NPLOC4: variants seen among roughly 807,000 people sequenced by gnomAD.
NPLOC4 encodes the protein nuclear protein localization protein 4 homolog.
NPLOC4 carries 18 observed loss-of-function variants against 80.6 expected under a neutral mutation model. The ratio of observed to expected loss-of-function variants is 0.22; its 90% CI spans 0.15 to 0.33. The LOEUF is 0.33. Ranked by LOEUF, NPLOC4 falls within the 10% of genes least tolerant of loss-of-function variation. NPLOC4 has a pLI of 1.00. For missense variants in NPLOC4, 540 were observed against 786.1 expected (o/e 0.69, Z 3.74); for synonymous variants, 313 against 301.5 (o/e 1.04, Z -0.39).
chr17:81,622,274 G>A lies in NPLOC4; in HGVS notation c.101C>T (p.Ala34Val). The A allele has an allele frequency of 6.2e-7, 1 of 1,611,860 alleles. No homozygotes were observed. Among genetic ancestry groups the A allele is most frequent in the Non-Finnish European group, 8.5e-7 (1 of 1,178,116 alleles). The change falls in exon 3 of 17, where the codon GCA (alanine) becomes GTA (valine). Residue 34 changes from alanine (A) to valine (V), a missense_variant. By Grantham distance (64) the Ala-to-Val change is moderately conservative. This residue lies in a region of NPLOC4 where 62 missense variants were observed against 84.4 expected (regional missense o/e 0.73). Coordinates refer to ENST00000331134, the MANE Select transcript of NPLOC4 (RefSeq NM_017921.4). ...ETAATFLKKV[A>V]KEFGFQNNGF... Reference sequence around the variant, plus strand: ...ATTATTTTGGAAGCCAAACTCCTTTGCAACCTAAAACAAGGCCCAAAGAAC... The same window carrying A: ...ATTATTTTGGAAGCCAAACTCCTTTACAACCTAAAACAAGGCCCAAAGAAC...
Position 81,613,587 on chromosome 17 carries a change from C to A in NPLOC4, c.210-93G>T, listed in dbSNP as rs560721918. ...GATATCTGCAAAAAGCAAATGCCAA[C>A]CACCCCTGTAGGCCTAAACAATGAG... On this transcript the variant is annotated intron_variant, in intron 3 of 16. Transcript: ENST00000331134. The A allele has an allele frequency of 2.5e-6, 3 of 1,212,598 alleles. No homozygotes were observed. The South Asian group carries it at 4.5e-5, about 18-fold the overall frequency. 75.1% of individuals were successfully genotyped at this position (1,212,598 alleles called of 1,614,324 possible). A position where few individuals can be genotyped will look rare whatever the true frequency, so the allele number is the denominator to read the frequency against.
chr17:81,621,045 G>A (rs1464413557), intron 3 of NPLOC4, among the ~76,000 whole-genome samples: 1 of 144,698 alleles, frequency 6.9e-6, no homozygotes, highest in East Asian at 2.0e-4. Flanking sequence ...GAAAGGAAAA[G>A]GAAAAGAAAG....
At chr17:81,608,427 T>A (rs1355835699) in intron 6 of NPLOC4, among the ~76,000 whole-genome samples, 1 of 152,050 alleles carries the variant, frequency 6.6e-6, no homozygotes, top group Admixed American at 6.6e-5. Flanking sequence ...TAGAACCAGG[T>A]TGGCCAGGCG....
At chr17:81,600,927 C>T (rs2035043087) in intron 8 of NPLOC4, among the ~76,000 whole-genome samples, 1 of 152,196 alleles carries the variant, frequency 6.6e-6, no homozygotes, top group Admixed American at 6.5e-5. Context: ...CTAAGATACT[C>T]AGTTACAGGG....
intron 3 of NPLOC4, among the ~76,000 whole-genome samples, chr17:81,616,590 C>T (rs560594429): frequency 1.2e-3 from 182 of 149,884 alleles, no homozygotes; most frequent in Middle Eastern, 3.6e-3. Context: ...ATTAGCCGGG[C>T]ATGGTGGCAG....
chr17:81,576,901 C>T (rs553257331), intron 12 of NPLOC4, among the ~76,000 whole-genome samples: 177 of 152,314 alleles, frequency 1.2e-3, no homozygotes, highest in Non-Finnish European at 2.2e-3. Context: ...AAGTGTCCAC[C>T]CTGCCACATT....
At chr17:81,598,763 C>T (rs377249613) in intron 9 of NPLOC4, among the ~76,000 whole-genome samples, 15 of 152,118 alleles carry the variant, frequency 9.9e-5, no homozygotes, top group South Asian at 2.1e-4. Flanking sequence ...CTTCTGTCCT[C>T]GGGAAGGATC....
chr17:81,634,039 ATT>A (rs57146509), intron 1 of NPLOC4, among the ~76,000 whole-genome samples: 2 of 140,940 alleles, frequency 1.4e-5, no homozygotes, highest in African/African-American at 2.6e-5. Context: ...AATTTTTTGT[ATT>A]TTTTTTTTTT....
intron 13 of NPLOC4, among the ~76,000 whole-genome samples, chr17:81,571,694 G>A (rs1224554454): frequency 1.3e-5 from 2 of 152,218 alleles, no homozygotes; most frequent in Admixed American, 6.5e-5. Flanking sequence ...ATGGGGGTTC[G>A]CTGCCTTCCA....
At chr17:81,594,141 A>G (rs1021005200) in intron 11 of NPLOC4, among the ~76,000 whole-genome samples, 1 of 151,574 alleles carries the variant, frequency 6.6e-6, no homozygotes, top group African/African-American at 2.4e-5. Flanking sequence ...CGGGCATGGT[A>G]GCGGGCACCT....
rs954383581 is a variant in NPLOC4, at chr17:81,588,492, G to T, written c.1281+452C>A. 5.3e-5 allele frequency among the ~76,000 whole-genome samples: 8 copies of T among 152,186 alleles called. No homozygotes were observed. The South Asian group carries it at 1.7e-3, about 32-fold the overall frequency. ...TCCTCCTACCTCAGCCTCCTGAGTA[G>T]CTGGGACTACAGTTCATGCCACCAC... On this transcript the variant is annotated intron_variant, in intron 12 of 16. Coordinates refer to ENST00000331134, the MANE Select transcript of NPLOC4 (RefSeq NM_017921.4).
At chr17:81,601,186 C>G (rs1000779028) in intron 8 of NPLOC4, among the ~76,000 whole-genome samples, 3 of 152,102 alleles carry the variant, frequency 2.0e-5, no homozygotes, top group African/African-American at 4.8e-5. Context: ...TGCAGAAACC[C>G]CAGCCATAAG....
chr17:81,584,705 T>A (rs556950433), intron 12 of NPLOC4, among the ~76,000 whole-genome samples: 1 of 152,198 alleles, frequency 6.6e-6, no homozygotes, highest in Admixed American at 6.5e-5. Flanking sequence ...AGTTGCTGGA[T>A]ACAAAAATTT....
In NPLOC4 at chr17:81,596,165, G is replaced by C. The variant is rs750040060; in HGVS notation, c.1071C>G (p.Leu357=). 1 of 1,614,012 alleles carries C rather than the reference G, an allele frequency of 6.2e-7. No homozygotes were observed. Among genetic ancestry groups the C allele is most frequent in the Non-Finnish European group, 8.5e-7 (1 of 1,179,884 alleles). The change falls in exon 11 of 17, where the codon CTC becomes CTG. Residue 357 remains leucine, a synonymous_variant. Transcript: ENST00000331134. Reference sequence around the variant, plus strand: ...TGGATCCAAAATGTCCGTCTGGAGAGAGCCGGCACATGTTGGGATGCTTGT... The same window carrying C: ...TGGATCCAAAATGTCCGTCTGGAGACAGCCGGCACATGTTGGGATGCTTGT... ...FQNKHPNMCR[L]SPDGHFGSKF...
intron 1 of NPLOC4, among the ~76,000 whole-genome samples, chr17:81,632,459 C>G (rs1438252586): frequency 2.6e-5 from 4 of 151,896 alleles, no homozygotes; most frequent in Non-Finnish European, 4.4e-5. Flanking sequence ...ATTACAAGTG[C>G]CTGCCACCAC....
chr17:81,585,759 G>A (rs1440615941), intron 12 of NPLOC4, among the ~76,000 whole-genome samples: 2 of 152,002 alleles, frequency 1.3e-5, no homozygotes, highest in Non-Finnish European at 2.9e-5. Context: ...GGCTGAGGCA[G>A]GCAGATTGCT....
At chr17:81,568,891 G>T in intron 14 of NPLOC4, 125 bp downstream of exon 14, 2 of 684,504 alleles carry the variant, frequency 2.9e-6, no homozygotes, top group Non-Finnish European at 2.5e-6. Context: ...GTAGGCCCTA[G>T]CTGGCCTGTC....
rs145098300 is a variant in NPLOC4 at position 81,577,378 on chromosome 17, T to C, written c.1282-5290A>G. On this transcript the variant is annotated intron_variant, in intron 12 of 16. Coordinates refer to ENST00000331134, the MANE Select transcript of NPLOC4 (RefSeq NM_017921.4). The surrounding 1 kb of genome is among the most constrained non-coding windows in gnomAD (Gnocchi z 4.3). Reference sequence around the variant, plus strand: ...TTGACCTCTTTAGAGCAGCCATCCTTGGAGTTGCTCAACGCCCTCTTCTCT... The same window carrying C: ...TTGACCTCTTTAGAGCAGCCATCCTCGGAGTTGCTCAACGCCCTCTTCTCT... 7.3e-6 allele frequency among the ~76,000 whole-genome samples: 1 copy of C among 137,578 alleles called. No individual in the cohort carries two copies. The highest frequency in any genetic ancestry group is 2.8e-5 in the African/African-American group (1 of 35,908). 90.3% of individuals were successfully genotyped at this position (137,578 alleles called of 152,430 possible). A position where few individuals can be genotyped will look rare whatever the true frequency, so the allele number is the denominator to read the frequency against.
chr17:81,597,088 G>C (rs1161915369), intron 10 of NPLOC4, among the ~76,000 whole-genome samples, 157 bp downstream of exon 10: 2 of 152,032 alleles, frequency 1.3e-5, no homozygotes, highest in Admixed American at 6.6e-5. Context: ...ACTCCAGCCT[G>C]GGCAAAAGAG....
Sources: gnomAD v4.1 joint callset for allele counts (sites outside exome capture counted in the v4.1 genomes callset) on GRCh38, gnomAD v4.1.1 for gene constraint, gnomAD v4.1.1 regional missense constraint, Gnocchi (gnomAD v3.1) non-coding constraint, MANE v1.5 for transcripts, NCBI Gene and HGNC (gene_info 2026-07-23, HGNC 2026-07-21) for gene names.